LOC400499: variants seen among roughly 807,000 people sequenced by gnomAD.
the LOC400499 span, among the ~76,000 whole-genome samples, chr16:11,465,062 CCTCT>C: frequency 1.3e-5 from 2 of 152,202 alleles, no homozygotes; most frequent in Non-Finnish European, 2.9e-5. Flanking sequence ...CCACTCCAGG[CCTCT>C]CTGAGAAGAC....
chr16:11,413,712 C>T, the LOC400499 span, among the ~76,000 whole-genome samples: 1 of 152,348 alleles, frequency 6.6e-6, no homozygotes, highest in East Asian at 1.9e-4. Flanking sequence ...CACTGTCAGA[C>T]CATCAGCATC....
chr16:11,435,954 T>C, the LOC400499 span: 4 of 398,282 alleles, frequency 1.0e-5, no homozygotes, highest in Non-Finnish European at 1.8e-5. Context: ...TCCTTCTCCA[T>C]GAAGCCCTCC....
chr16:11,452,674 T>A, the LOC400499 span, among the ~76,000 whole-genome samples: 2 of 152,354 alleles, frequency 1.3e-5, no homozygotes, highest in African/African-American at 4.8e-5. Context: ...AGTCTTTCCA[T>A]GAGGACAGGG....
the LOC400499 span, among the ~76,000 whole-genome samples, chr16:11,428,432 C>T: frequency 6.6e-6 from 1 of 152,164 alleles, no homozygotes; most frequent in Non-Finnish European, 1.5e-5. Context: ...CTTCAACCTC[C>T]CAAAGTGTTG....
At chr16:11,430,771 A>G in the LOC400499 span, among the ~76,000 whole-genome samples, 1 of 152,214 alleles carries the variant, frequency 6.6e-6, no homozygotes, top group Non-Finnish European at 1.5e-5. Flanking sequence ...CTGGAGATAT[A>G]CAATGTCCAT....
At chr16:11,392,964 C>T in the LOC400499 span, among the ~76,000 whole-genome samples, 1 of 152,206 alleles carries the variant, frequency 6.6e-6, no homozygotes, top group African/African-American at 2.4e-5. Flanking sequence ...CGCCATTCTC[C>T]TGCCTCAGCC....
the LOC400499 span, chr16:11,402,171 G>C: frequency 2.5e-6 from 1 of 399,114 alleles, no homozygotes; most frequent in Admixed American, 4.4e-5. Context: ...GGGTGGGTGA[G>C]GACACACACA....
chr16:11,476,699 C>G, the LOC400499 span: 1 of 399,478 alleles, frequency 2.5e-6, no homozygotes, highest in Non-Finnish European at 4.4e-6. Context: ...AGCACACACA[C>G]CACACACCTG....
At chr16:11,391,985 C>G in the LOC400499 span, 105 of 432,826 alleles carry the variant, frequency 2.4e-4, no homozygotes, top group African/African-American at 1.7e-3. Flanking sequence ...CCTGAGCCCC[C>G]ACCCTCCCCT....
chr16:11,448,433 C>A, the LOC400499 span, among the ~76,000 whole-genome samples: 1 of 152,162 alleles, frequency 6.6e-6, no homozygotes, highest in South Asian at 2.1e-4. Context: ...AATCCCAACA[C>A]TTCGGGAGGC....
At chr16:11,435,062 C>T in the LOC400499 span, among the ~76,000 whole-genome samples, 1 of 152,204 alleles carries the variant, frequency 6.6e-6, no homozygotes, top group African/African-American at 2.4e-5. Context: ...TCGCTGCAGC[C>T]TCCAACTCCC....
the LOC400499 span, chr16:11,442,192 T>C: frequency 6.6e-6 from 1 of 152,196 alleles, no homozygotes; most frequent in Non-Finnish European, 1.5e-5. Context: ...GAAAAATGTA[T>C]GTCATTAAAC....
the LOC400499 span, among the ~76,000 whole-genome samples, chr16:11,496,888 ATGTG>A: frequency 0.039 from 5,569 of 144,252 alleles, 130 homozygotes; most frequent in Non-Finnish European, 0.052. Flanking sequence ...GTATGCCTCA[ATGTG>A]TGTGTGTGTG....
chr16:11,409,629 A>G, the LOC400499 span, among the ~76,000 whole-genome samples: 1 of 152,252 alleles, frequency 6.6e-6, no homozygotes, highest in African/African-American at 2.4e-5. Context: ...AAACAAAACA[A>G]AACAGTTTTT....
At chr16:11,526,509 T>C in the LOC400499 span, among the ~76,000 whole-genome samples, 3 of 152,242 alleles carry the variant, frequency 2.0e-5, no homozygotes, top group African/African-American at 7.2e-5. Context: ...GTATTTGCAA[T>C]GAAAACTTAG....
chr16:11,520,805 T>C, the LOC400499 span, among the ~76,000 whole-genome samples: 5 of 152,174 alleles, frequency 3.3e-5, no homozygotes, highest in Non-Finnish European at 5.9e-5. Flanking sequence ...GAAAATTCCT[T>C]GTTTTGAAGA....
At chr16:11,384,254 T>C in the LOC400499 span, 3 of 1,232,314 alleles carry the variant, frequency 2.4e-6, no homozygotes, top group Non-Finnish European at 3.0e-6. Context: ...CTGCGGGCCA[T>C]AGAGCCATCC....
the LOC400499 span, among the ~76,000 whole-genome samples, chr16:11,498,887 C>A: frequency 6.6e-6 from 1 of 150,760 alleles, no homozygotes; most frequent in Non-Finnish European, 1.5e-5. Flanking sequence ...CAAAATAGTC[C>A]CATTGTCCAG....
the LOC400499 span, among the ~76,000 whole-genome samples, chr16:11,408,533 C>T: frequency 6.8e-6 from 1 of 148,054 alleles, no homozygotes; most frequent in African/African-American, 2.5e-5. Flanking sequence ...GGTGTGAACA[C>T]AGCTTACTGC....
Sources: gnomAD v4.1 joint callset for allele counts (sites outside exome capture counted in the v4.1 genomes callset) on GRCh38, gnomAD v4.1.1 for gene constraint, MANE v1.5 for transcripts.